CNGB3: variants seen among roughly 807,000 people sequenced by gnomAD.
The protein encoded by CNGB3 is cyclic nucleotide gated channel subunit beta 3, also known as cyclic nucleotide-gated channel beta-3.
A neutral mutation model predicts 92.8 loss-of-function variants in CNGB3; 86 were observed. That is an observed-to-expected ratio of 0.93 (90% confidence interval 0.78 to 1.11). The LOEUF is 1.11. CNGB3 is among the 50% of genes least tolerant of loss of function. CNGB3 has a pLI of 0.00. For missense variants in CNGB3, 1,026 were observed against 956.8 expected, an observed-to-expected ratio of 1.07 and a Z score of -0.95; for synonymous variants, 333 against 332.7, an observed-to-expected ratio of 1.00 and a Z score of -0.01.
intron 3 of CNGB3, among the ~76,000 whole-genome samples, chr8:86,689,569 T>C (rs2049573405): frequency 6.6e-6 from 1 of 150,682 alleles, no homozygotes. Flanking sequence ...TTTATTTTTA[T>C]TTTTTATTAT....
intron 3 of CNGB3, among the ~76,000 whole-genome samples, chr8:86,720,837 T>TACACACAC (rs1563766058): frequency 9.1e-5 from 3 of 32,880 alleles, no homozygotes; most frequent in South Asian, 9.7e-4. Flanking sequence ...TATATATATG[T>TACACACAC]ATACACACAC....
chr8:86,587,068 T>G (rs1257712575), intron 15 of CNGB3, among the ~76,000 whole-genome samples: 1 of 147,354 alleles, frequency 6.8e-6, no homozygotes, highest in South Asian at 2.2e-4. Context: ...GGTTTTGATT[T>G]GCATTTCTCT....
intron 15 of CNGB3, among the ~76,000 whole-genome samples, chr8:86,593,070 A>AT (rs59658804): frequency 0.047 from 7,174 of 152,106 alleles, 557 homozygotes; most frequent in African/African-American, 0.16. Flanking sequence ...GTTAGCCTAG[A>AT]TTTTTTTTCT....
At chr8:86,593,069 GA>G (rs1358350982) in intron 15 of CNGB3, among the ~76,000 whole-genome samples, 3 of 150,506 alleles carry the variant, frequency 2.0e-5, no homozygotes, top group Non-Finnish European at 4.4e-5. Context: ...TGTTAGCCTA[GA>G]TTTTTTTTCT....
Position 86,668,153 on chromosome 8 carries a change from A to T in CNGB3, c.509T>A (p.Val170Glu). 1 of 1,613,582 alleles carries T rather than the reference A, an allele frequency of 6.2e-7. No homozygotes were observed. Among genetic ancestry groups the T allele is most frequent in the Non-Finnish European group, 8.5e-7 (1 of 1,179,920 alleles). ...ATCATCGCTTTCTTTTACTGGTGGTACAGCCGTGGGCTTTGCTTCATAGGG... is the reference window on the plus strand; with the variant it reads ...ATCATCGCTTTCTTTTACTGGTGGTTCAGCCGTGGGCTTTGCTTCATAGGG... ...ASPQTAKPTA[V>E]PPVKESDDKP... The change falls in exon 5 of 18, where the codon GTA becomes GAA. Residue 170 changes from valine (V) to glutamate (E), a missense_variant. Val to Glu is a moderately radical substitution (Grantham distance 121). Transcript: ENST00000320005.
At chr8:86,661,845 C>T (rs751206436) in intron 6 of CNGB3, 3 of 1,323,742 alleles carry the variant, frequency 2.3e-6, no homozygotes, top group East Asian at 2.3e-5. Context: ...ATCTTCTGGA[C>T]GTTCCAGAAC....
At chr8:86,623,570 C>T (rs1461079448) in intron 13 of CNGB3, among the ~76,000 whole-genome samples, 1 of 152,082 alleles carries the variant, frequency 6.6e-6, no homozygotes, top group Non-Finnish European at 1.5e-5. Flanking sequence ...GGTGCTAAAC[C>T]CATTCATGAG....
At chr8:86,584,672 G>A (rs1821858923) in intron 15 of CNGB3, among the ~76,000 whole-genome samples, 1 of 151,784 alleles carries the variant, frequency 6.6e-6, no homozygotes, top group Admixed American at 6.6e-5. Flanking sequence ...CCCACATAGA[G>A]TTTCTGAAAG....
Position 86,592,595 on chromosome 8 carries a change from G to C in CNGB3, c.1781+11498C>G, listed in dbSNP as rs563124078. ...ACCAATCAGGCAGCCTTCTTAAGCA[G>C]ATGCAATTTAGAATGATTAATGCTT... On this transcript the variant is annotated intron_variant, in intron 15 of 17. Coordinates refer to ENST00000320005, the MANE Select transcript of CNGB3 (RefSeq NM_019098.5). 7.9e-5 allele frequency among the ~76,000 whole-genome samples: 12 copies of C among 152,274 alleles called. No individual in the cohort carries two copies. In the South Asian group the frequency reaches 2.5e-3, roughly 32 times the overall value.
intron 3 of CNGB3, among the ~76,000 whole-genome samples, chr8:86,689,249 C>A (rs1824251495): frequency 6.6e-6 from 1 of 151,644 alleles, no homozygotes; most frequent in African/African-American, 2.4e-5. Flanking sequence ...AATTTGTGCT[C>A]TGTAGCCATT....
At chr8:86,699,627 A>G (rs1056862015) in intron 3 of CNGB3, among the ~76,000 whole-genome samples, 2 of 152,244 alleles carry the variant, frequency 1.3e-5, no homozygotes, top group African/African-American at 4.8e-5. Context: ...CATCCACAAC[A>G]ATCAATAAAA....
chr8:86,616,209 G>A (rs1822619336), intron 13 of CNGB3, among the ~76,000 whole-genome samples: 1 of 152,102 alleles, frequency 6.6e-6, no homozygotes, highest in Admixed American at 6.5e-5. Context: ...AACATACTTG[G>A]ATAGCACATG....
chr8:86,644,951 TA>T (rs1288057237), intron 8 of CNGB3, among the ~76,000 whole-genome samples: 2 of 151,130 alleles, frequency 1.3e-5, no homozygotes, highest in Non-Finnish European at 3.0e-5. Flanking sequence ...AAATGAAACT[TA>T]AAAAACATTG....
intron 6 of CNGB3, among the ~76,000 whole-genome samples, chr8:86,665,865 C>G (rs1471884945): frequency 6.6e-6 from 1 of 152,226 alleles, no homozygotes; most frequent in South Asian, 2.1e-4. Flanking sequence ...GGTAACAAAC[C>G]TGTATGTGTA....
At chr8:86,704,746 G>T (rs184060756) in intron 3 of CNGB3, among the ~76,000 whole-genome samples, 3 of 152,280 alleles carry the variant, frequency 2.0e-5, no homozygotes, top group Admixed American at 2.0e-4. Flanking sequence ...TACAGCACTG[G>T]TCTTAAATAA....
chr8:86,667,236 A>T, intron 5 of CNGB3, 103 bp from the exon 6 acceptor site: 1 of 948,438 alleles, frequency 1.1e-6, no homozygotes. Flanking sequence ...TCTACAGAGT[A>T]ATTTGCCATA....
At chr8:86,724,068 C>T (rs898713474) in intron 3 of CNGB3, among the ~76,000 whole-genome samples, 4 of 152,212 alleles carry the variant, frequency 2.6e-5, no homozygotes, top group African/African-American at 7.2e-5. Context: ...CAAAAAACTA[C>T]CTATTGTGTA....
chr8:86,611,569 A>G lies in CNGB3; in HGVS notation c.1662+19T>C, dbSNP rs1395575063. The G allele has an allele frequency of 3.1e-6, 5 of 1,596,274 alleles. No individual in the cohort carries two copies. Among genetic ancestry groups the G allele is most frequent in the Non-Finnish European group, 4.3e-6 (5 of 1,163,828 alleles). On this transcript the variant is annotated intron_variant, in intron 14 of 17. Transcript: ENST00000320005. ...AATGCATTTATTAGTTGTGCATTTG[A>G]AAAATAGCATGCACTCACCTTTTTG...
chr8:86,721,204 G>A (rs1251369845), intron 3 of CNGB3, among the ~76,000 whole-genome samples: 1 of 152,018 alleles, frequency 6.6e-6, no homozygotes, highest in Non-Finnish European at 1.5e-5. Context: ...GACCTCAAGT[G>A]ATCCACCCAC....
Sources: gnomAD v4.1 joint callset for allele counts (sites outside exome capture counted in the v4.1 genomes callset) on GRCh38, gnomAD v4.1.1 for gene constraint, MANE v1.5 for transcripts, NCBI Gene and HGNC (gene_info 2026-07-23, HGNC 2026-07-21) for gene names.